CNTN3: variants seen among roughly 807,000 people sequenced by gnomAD.
The protein encoded by CNTN3 is contactin-3.
Under a neutral mutation model 119.1 loss-of-function variants are expected in CNTN3, and 60 were observed. The ratio of observed to expected loss-of-function variants is 0.50; its 90% CI spans 0.41 to 0.62. The LOEUF is 0.62. CNTN3 is among the 20% of genes least tolerant of loss of function. CNTN3 has a pLI of 0.00. For synonymous variants in CNTN3, 450 were observed against 438.7 expected (o/e 1.03, Z -0.32); for missense variants, 1,101 against 1,242.4 (o/e 0.89, Z 1.71).
At chr3:74,277,357 T>G (rs935266335) in intron 20 of CNTN3, among the ~76,000 whole-genome samples, 4 of 151,950 alleles carry the variant, frequency 2.6e-5, no homozygotes, top group Admixed American at 2.0e-4. Context: ...ACATAGATGC[T>G]AAAATCCTTA....
chr3:74,521,638 T>C (rs1703545129), intron 1 of CNTN3, among the ~76,000 whole-genome samples: 1 of 151,822 alleles, frequency 6.6e-6, no homozygotes, highest in Non-Finnish European at 1.5e-5. Flanking sequence ...TAGATAGCAT[T>C]ATCAATGTCC....
intron 1 of CNTN3, among the ~76,000 whole-genome samples, chr3:74,575,841 G>A (rs893705257): frequency 2.0e-5 from 3 of 151,940 alleles, no homozygotes; most frequent in Non-Finnish European, 4.4e-5. Context: ...CCAAGCCCAC[G>A]TGGTTCCTTG....
chr3:74,326,433 G>A (rs549332881), intron 13 of CNTN3, among the ~76,000 whole-genome samples: 24 of 152,064 alleles, frequency 1.6e-4, no homozygotes, highest in Non-Finnish European at 2.5e-4. Context: ...AATAATTAGC[G>A]CATCTGTCAC....
intron 17 of CNTN3, among the ~76,000 whole-genome samples, chr3:74,299,338 T>C (rs1316680455): frequency 6.6e-6 from 1 of 152,170 alleles, no homozygotes; most frequent in African/African-American, 2.4e-5. Context: ...TTCAAACCTA[T>C]TAACCTTTTT....
chr3:74,601,138 A>T (rs1016977628), intron 1 of CNTN3, among the ~76,000 whole-genome samples: 1 of 151,992 alleles, frequency 6.6e-6, no homozygotes, highest in Non-Finnish European at 1.5e-5. Flanking sequence ...ACCTAACTGC[A>T]GAGCTCAATG....
At chr3:74,418,083 T>C (rs1036694987) in intron 5 of CNTN3, among the ~76,000 whole-genome samples, 1 of 152,190 alleles carries the variant, frequency 6.6e-6, no homozygotes, top group Non-Finnish European at 1.5e-5. Context: ...ATGCAACTTT[T>C]GCACCTGCTC....
intron 2 of CNTN3, among the ~76,000 whole-genome samples, chr3:74,517,636 T>C (rs527991384): frequency 6.6e-6 from 1 of 151,910 alleles, no homozygotes; most frequent in South Asian, 2.1e-4. Context: ...TCCTCAGACA[T>C]CCTCTTCTTC....
rs747257342 is a variant in CNTN3, at chr3:74,329,065, T to C, written c.1668+5670A>G. Among the ~76,000 whole-genome samples the C allele has an allele frequency of 2.0e-5, 3 of 152,210 alleles. No homozygotes were observed. In the South Asian group the frequency reaches 6.2e-4, roughly 31 times the overall value. On this transcript the variant is annotated intron_variant, in intron 13 of 22. Coordinates refer to ENST00000263665, the MANE Select transcript of CNTN3 (RefSeq NM_020872.3). ...TGTTTACATAGTTATAAAGAGCTGC[T>C]GTTTTCAAAATTTTAGTCTTCACAC...
intron 5 of CNTN3, among the ~76,000 whole-genome samples, chr3:74,404,075 A>G (rs758776173): frequency 1.7e-4 from 26 of 152,096 alleles, no homozygotes; most frequent in Non-Finnish European, 8.8e-5. Context: ...CCTACACATC[A>G]TAAACCATTT....
At position 74,295,218 on chromosome 3, in the gene CNTN3, G is replaced by A. The variant is rs758174259; in HGVS notation, c.2420C>T (p.Ser807Phe). 1 of 1,608,410 alleles carries A rather than the reference G, an allele frequency of 6.2e-7. No individual in the cohort carries two copies. The highest frequency in any genetic ancestry group is 1.1e-5 in the South Asian group (1 of 90,918). The change falls in exon 19 of 23, where the codon TCT becomes TTT. Residue 807 changes from serine to phenylalanine, a missense_variant. Coordinates refer to ENST00000263665, the MANE Select transcript of CNTN3 (RefSeq NM_020872.3). ...SAEEEPTVAP[S>F]QVSANSLSSS... is the part of the protein sequence containing the mutation. Reference sequence around the variant, plus strand: ...AGATAGGCTATTTGCAGAGACTTGAGATGGGGCCACTGTAGGCTCTGTTCG... The same window carrying A: ...AGATAGGCTATTTGCAGAGACTTGAAATGGGGCCACTGTAGGCTCTGTTCG...
intron 1 of CNTN3, among the ~76,000 whole-genome samples, chr3:74,606,878 A>T (rs918931026): frequency 6.6e-6 from 1 of 152,194 alleles, no homozygotes; most frequent in Non-Finnish European, 1.5e-5. Context: ...TCACAGGGCA[A>T]CTGCTGCTTA....
chr3:74,520,077 GA>G (rs1703517410), intron 2 of CNTN3, among the ~76,000 whole-genome samples: 1 of 151,336 alleles, frequency 6.6e-6, no homozygotes, highest in African/African-American at 2.4e-5. Context: ...TCTTCTTTTA[GA>G]AAAGTCTCAA....
chr3:74,458,066 A>T (rs1159250684), intron 4 of CNTN3, among the ~76,000 whole-genome samples: 1 of 152,036 alleles, frequency 6.6e-6, no homozygotes, highest in Non-Finnish European at 1.5e-5. Context: ...AGAGTGTTCC[A>T]GACAAATGGA....
intron 16 of CNTN3, 87 bp from the exon 17 acceptor site, chr3:74,300,025 TA>T (rs1347800598): frequency 1.3e-6 from 1 of 784,334 alleles, no homozygotes; most frequent in Non-Finnish European, 1.9e-6. Flanking sequence ...TTTTAATATT[TA>T]AAATAATTTC....
At chr3:74,415,178 G>T (rs1338337900) in intron 5 of CNTN3, among the ~76,000 whole-genome samples, 1 of 152,122 alleles carries the variant, frequency 6.6e-6, no homozygotes, top group Non-Finnish European at 1.5e-5. Context: ...GAGAAAGAAT[G>T]ATTTTCTCAT....
intron 5 of CNTN3, among the ~76,000 whole-genome samples, chr3:74,382,026 T>C (rs1704635182): frequency 6.6e-6 from 1 of 152,054 alleles, no homozygotes; most frequent in Non-Finnish European, 1.5e-5. Context: ...CCAACCAACA[T>C]GGAGAAACCA....
At chr3:74,481,291 A>G (rs997687149) in intron 4 of CNTN3, among the ~76,000 whole-genome samples, 2 of 150,052 alleles carry the variant, frequency 1.3e-5, no homozygotes, top group African/African-American at 4.9e-5. Flanking sequence ...CCCAGTATTT[A>G]GAGAATATCC....
Position 74,403,983 on chromosome 3 carries a change from C to A in CNTN3, c.454+20862G>T, listed in dbSNP as rs546577821. Among the ~76,000 whole-genome samples the A allele has an allele frequency of 7.2e-5, 11 of 152,092 alleles. No individual in the cohort carries two copies. In the South Asian group the frequency reaches 2.3e-3, roughly 32 times the overall value. On this transcript the variant is annotated intron_variant, in intron 5 of 22. Transcript: ENST00000263665. The stretch of plus-strand genomic sequence containing the variant: ...CTGATGTCTTCCTTCTTCCCAAACT[C>A]GTAATACTTTCATCTATTCTGCTCT...
chr3:74,411,764 C>T (rs184025725), intron 5 of CNTN3, among the ~76,000 whole-genome samples: 72 of 152,160 alleles, frequency 4.7e-4, no homozygotes, highest in South Asian at 1.9e-3. Flanking sequence ...ACGTTATCAA[C>T]CCATCAATTA....
Sources: allele counts gnomAD v4.1 joint callset (sites outside exome capture counted in the v4.1 genomes callset), GRCh38; gene constraint gnomAD v4.1.1; transcripts MANE v1.5; gene names NCBI Gene and HGNC (gene_info 2026-07-23, HGNC 2026-07-21).